Variants in GPI observed in about 807,000 individuals in gnomAD.
The protein encoded by GPI is D-hexose-6-phosphate anomerase.
Under a neutral mutation model 75.8 loss-of-function variants are expected in GPI, and 56 were observed. That is an observed-to-expected ratio of 0.74 (90% CI 0.60 to 0.92). The LOEUF (loss-of-function observed/expected upper bound fraction) is 0.92. Ranked by LOEUF, GPI falls within the 40% of genes least tolerant of loss-of-function variation. The pLI, the probability that GPI is intolerant of heterozygous loss-of-function variation, is 0.00. For synonymous variants in GPI, 288 were observed against 285.4 expected, an observed-to-expected ratio of 1.01 and a Z score of -0.09; for missense variants, 638 against 741.0, an observed-to-expected ratio of 0.86 and a Z score of 1.61.
intron 9 of GPI, among the ~76,000 whole-genome samples, chr19:34,383,200 C>T (rs899827571): frequency 5.9e-5 from 9 of 152,106 alleles, no homozygotes; most frequent in African/African-American, 1.7e-4. Context: ...CCAGGGTCAG[C>T]GCACGCCACA....
In GPI at chr19:34,399,713, C is replaced by T; in HGVS notation, c.1475-6C>T. On this transcript the variant is annotated splice_region_variant and splice_polypyrimidine_tract_variant and intron_variant, in intron 16 of 17. Transcript: ENST00000356487. ...CCCTGATGTGCCCTGTCTGTCACTT[C>T]TGCAGCCATGTATGAGCACAAGATC... 1 of 1,614,112 alleles carries T rather than the reference C, an allele frequency of 6.2e-7. No homozygotes were observed.
At position 34,368,496 on chromosome 19, in the gene GPI, G is replaced by A. The variant is rs561632189; in HGVS notation, c.283-87G>A. The A allele has an allele frequency of 1.5e-5, 22 of 1,464,072 alleles. 1 individual carries two copies. In the South Asian group the frequency reaches 2.4e-4, roughly 16 times the overall value. The allele number at this position is 1,464,072 out of a possible 1,614,324, so 90.7% of individuals were successfully genotyped here. On this transcript the variant is annotated intron_variant, in intron 3 of 17. Transcript: ENST00000356487. Reference sequence around the variant, plus strand: ...GGGCCTGCCTGTCTAGTGGATAGAGGGCCGAGCTATGGCACCATGCCCAGC... The same window carrying A: ...GGGCCTGCCTGTCTAGTGGATAGAGAGCCGAGCTATGGCACCATGCCCAGC...
At position 34,368,746 on chromosome 19, in the gene GPI, A is replaced by T. The variant is rs8110617; in HGVS notation, c.402+44A>T. 1.1e-3 allele frequency: 1,769 copies of T among 1,612,946 alleles called. 20 individuals carry two copies. In the African/African-American group the frequency reaches 0.021, roughly 19 times the overall value. Reference sequence around the variant, plus strand: ...GGACTCACCCTTGGCCGTGTGTGTGAGTTATTTGGGAATCTGGGAGCCCTA... The same window carrying T: ...GGACTCACCCTTGGCCGTGTGTGTGTGTTATTTGGGAATCTGGGAGCCCTA... On this transcript the variant is annotated intron_variant, in intron 4 of 17. Coordinates refer to ENST00000356487, the MANE Select transcript of GPI (RefSeq NM_000175.5).
chr19:34,365,093 A>G, upstream of GPI: 1 of 1,375,818 alleles, frequency 7.3e-7, no homozygotes, highest in Non-Finnish European at 9.5e-7. Flanking sequence ...CGGCCTGGGT[A>G]TCGGGGCGCG....
intron 15 of GPI, 81 bp from the exon 16 acceptor site, chr19:34,399,475 C>T (rs1257677144): frequency 5.8e-6 from 9 of 1,560,918 alleles, no homozygotes; most frequent in South Asian, 1.1e-5. Context: ...CACGTCTCAG[C>T]CTCTGGGGCA....
At chr19:34,372,899 G>A (rs1410238663) in intron 4 of GPI, among the ~76,000 whole-genome samples, 1 of 151,702 alleles carries the variant, frequency 6.6e-6, no homozygotes, top group African/African-American at 2.4e-5. Context: ...TCAGCCTCCC[G>A]AGTAGCTGGG....
At chr19:34,381,590 T>G in intron 9 of GPI, 71 bp downstream of exon 9, 1 of 1,017,046 alleles carries the variant, frequency 9.8e-7, no homozygotes, top group Non-Finnish European at 1.6e-6. Flanking sequence ...GAGAGGCCCA[T>G]GAGGTCAGGT....
At chr19:34,387,394 T>C (rs1363978509) in intron 9 of GPI, among the ~76,000 whole-genome samples, 1 of 149,862 alleles carries the variant, frequency 6.7e-6, no homozygotes, top group Non-Finnish European at 1.5e-5. Flanking sequence ...CTGGTATATT[T>C]ACTTGGTTGT....
At chr19:34,391,459 G>A (rs1193107628) in intron 9 of GPI, among the ~76,000 whole-genome samples, 1 of 7,352 alleles carries the variant, frequency 1.4e-4, no homozygotes, top group African/African-American at 4.7e-4. Flanking sequence ...ATCTGGTACA[G>A]GAATGAGGAG....
chr19:34,399,970 T>TC lies in GPI; in HGVS notation c.1612dup (p.His538ProfsTer67), dbSNP rs2074998778. ...TTGATGGCAGTGCTCAAGTGACCTCTCACGACGCTTCTACCAATGGGCTCA... is the reference window on the plus strand; with the variant it reads ...TTGATGGCAGTGCTCAAGTGACCTCTCCACGACGCTTCTACCAATGGGCTCA... On this transcript the variant is annotated frameshift_variant, in exon 18 of 18. Transcript: ENST00000356487. LOFTEE classifies it high-confidence loss of function. The TC allele has an allele frequency of 6.2e-7, 1 of 1,613,740 alleles. No homozygotes were observed. The highest frequency in any genetic ancestry group is 8.5e-7 in the Non-Finnish European group (1 of 1,179,930).
chr19:34,361,443 CCTT>C (rs2074301066), upstream of GPI, among the ~76,000 whole-genome samples: 1 of 152,048 alleles, frequency 6.6e-6, no homozygotes, highest in Non-Finnish European at 1.5e-5. Flanking sequence ...AACAGGGTAT[CCTT>C]CATAGGACTG....
At chr19:34,363,000 A>G (rs1045911211), upstream of GPI, among the ~76,000 whole-genome samples, 4 of 152,210 alleles carry the variant, frequency 2.6e-5, no homozygotes, top group East Asian at 1.9e-4. Flanking sequence ...AGGCAGTCTC[A>G]GTTTGCAGGT....
intron 3 of GPI, among the ~76,000 whole-genome samples, chr19:34,368,272 C>A (rs926867716): frequency 2.6e-5 from 4 of 152,238 alleles, no homozygotes; most frequent in African/African-American, 9.6e-5. Flanking sequence ...CATTCTCTGC[C>A]TTTGCTCACT....
At chr19:34,384,084 A>G (rs919649399) in intron 9 of GPI, among the ~76,000 whole-genome samples, 1 of 152,110 alleles carries the variant, frequency 6.6e-6, no homozygotes, top group Non-Finnish European at 1.5e-5. Flanking sequence ...AGGACGTTGG[A>G]GCTAAAGATA....
intron 9 of GPI, among the ~76,000 whole-genome samples, chr19:34,388,407 A>G (rs999505123): frequency 8.5e-5 from 13 of 152,130 alleles, no homozygotes; most frequent in Non-Finnish European, 1.6e-4. Flanking sequence ...CCTGGCAGGC[A>G]GAGGTTGCAG....
rs368004594 is a variant in GPI, at chr19:34,393,336, C to T, written c.865+28C>T. ...GAGTGTGTTTCTGTGTCTTGCAGCC[C>T]CTGTGGGAGACAGTGTTGCAGTCTA... On this transcript the variant is annotated intron_variant, in intron 10 of 17. Coordinates refer to ENST00000356487, the MANE Select transcript of GPI (RefSeq NM_000175.5). The surrounding 1 kb of genome is among the most constrained non-coding windows in gnomAD (Gnocchi z 4.4). The T allele has an allele frequency of 2.9e-5, 45 of 1,577,014 alleles. 1 individual carries two copies. The African/African-American group carries it at 5.0e-4, about 17-fold the overall frequency.
intron 2 of GPI, 122 bp from the exon 3 acceptor site, chr19:34,366,661 G>A: frequency 5.0e-6 from 4 of 797,586 alleles, no homozygotes; most frequent in East Asian, 4.9e-5. Flanking sequence ...CAGCAGGGGA[G>A]GGAACCAGAC....
chr19:34,396,243 CT>C (rs1288003663), intron 12 of GPI, 57 bp from the exon 13 acceptor site: 1 of 1,605,814 alleles, frequency 6.2e-7, no homozygotes, highest in African/African-American at 1.3e-5. Flanking sequence ...CAGCCTCTTT[CT>C]TTCTTTTTAA....
Position 34,399,589 on chromosome 19 carries a change from G to A in GPI, c.1432G>A (p.Val478Met), listed in dbSNP as rs1423498902. Residue 478 changes from valine (V) to methionine (M), a missense_variant, in exon 16 of 18, where the codon GTG becomes ATG. Val to Met is a conservative substitution (Grantham distance 21). Transcript: ENST00000356487. ...FEGNRPTNSI[V>M]FTKLTPFMLG... ...AGGAAATCGCCCAACCAACTCTATT[G>A]TGTTCACCAAGCTCACACCATTCAT... 1 of 1,614,134 alleles carries A rather than the reference G, an allele frequency of 6.2e-7. No homozygotes were observed.
Sources: allele counts gnomAD v4.1 joint callset (sites outside exome capture counted in the v4.1 genomes callset), GRCh38; gene constraint gnomAD v4.1.1; non-coding constraint Gnocchi (gnomAD v3.1); transcripts MANE v1.5; gene names NCBI Gene and HGNC (gene_info 2026-07-23, HGNC 2026-07-21).